SUCNR1: variants seen among roughly 807,000 people sequenced by gnomAD.
The protein encoded by SUCNR1 is succinate receptor 1.
A neutral mutation model predicts 2.4 loss-of-function variants in SUCNR1; 5 were observed. That is an observed-to-expected ratio of 2.07 (90% CI 1.08 to 4.36). The LOEUF is 4.36. Ranked by LOEUF, SUCNR1 falls within the 30% of genes most tolerant of loss-of-function variation. SUCNR1 has a pLI of 0.00. For missense variants in SUCNR1, 373 were observed against 399.2 expected, an observed-to-expected ratio of 0.93 and a Z score of 0.56; for synonymous variants, 162 against 143.9, an observed-to-expected ratio of 1.13 and a Z score of -0.90.
At chr3:151,877,944 G>A (rs1157254649) in intron 1 of SUCNR1, among the ~76,000 whole-genome samples, 1 of 152,102 alleles carries the variant, frequency 6.6e-6, no homozygotes, top group African/African-American at 2.4e-5. Context: ...GAAGACTTGA[G>A]CCCCAAAAGT....
chr3:151,876,201 A>G (rs1381978602), intron 1 of SUCNR1, among the ~76,000 whole-genome samples: 2 of 152,182 alleles, frequency 1.3e-5, no homozygotes, highest in Non-Finnish European at 2.9e-5. Context: ...AACATTTAAA[A>G]CTTGGGCAAA....
Position 151,873,658 on chromosome 3 carries a change from C to T in SUCNR1, c.-90C>T, listed in dbSNP as rs1265847845. ...ACAACACTGGGTCAGAAGCTATATCCAGCTGCTGGCAGAGTTCCTGTCAAG... is the reference window on the plus strand; with the variant it reads ...ACAACACTGGGTCAGAAGCTATATCTAGCTGCTGGCAGAGTTCCTGTCAAG... On this transcript the variant is annotated 5_prime_UTR_variant, in exon 1 of 3. Transcript: ENST00000362032. 2.6e-5 allele frequency: 4 copies of T among 152,510 alleles called. No homozygotes were observed. The highest frequency in any genetic ancestry group is 5.9e-5 in the Non-Finnish European group (4 of 68,030). The allele number at this position is 152,510 out of a possible 1,614,324, so 9.4% of individuals were successfully genotyped here.
intron 1 of SUCNR1, among the ~76,000 whole-genome samples, chr3:151,877,237 G>A (rs903894229): frequency 6.6e-6 from 1 of 152,090 alleles, no homozygotes; most frequent in Admixed American, 6.6e-5. Flanking sequence ...AAGCAAAATT[G>A]AAGTGGGTGC....
chr3:151,880,875 T>C lies in SUCNR1; in HGVS notation c.332T>C (p.Leu111Pro). ...CATGCCAACCTCTATACCAGCATTC[T>C]CTTTCTCACTTTTATCAGCATAGAT... ...VLHANLYTSI[L>P]FLTFISIDRY... The change falls in exon 3 of 3, where the codon CTC becomes CCC. Residue 111 changes from leucine (L) to proline (P), a missense_variant. Leu to Pro is a moderately conservative substitution (Grantham distance 98). Transcript: ENST00000362032. 6.2e-7 allele frequency: 1 copy of C among 1,614,138 alleles called. No homozygotes were observed. Among genetic ancestry groups the C allele is most frequent in the Non-Finnish European group, 8.5e-7 (1 of 1,180,016 alleles).
chr3:151,880,539 A>AT lies in SUCNR1; in HGVS notation c.16-16dup. ...TCACAGTCTAGTGTTTAATCCTTAT[A>AT]TTTTCTCTCTCTTCTTTAGGCATGG... On this transcript the variant is annotated intron_variant, in intron 2 of 2. Coordinates refer to ENST00000362032, the MANE Select transcript of SUCNR1 (RefSeq NM_033050.6). 6.4e-7 allele frequency: 1 copy of AT among 1,563,860 alleles called. No homozygotes were observed. The highest frequency in any genetic ancestry group is 1.4e-5 in the African/African-American group (1 of 72,866).
At chr3:151,878,354 C>G (rs1717983407) in intron 1 of SUCNR1, among the ~76,000 whole-genome samples, 1 of 152,024 alleles carries the variant, frequency 6.6e-6, no homozygotes, top group Admixed American at 6.6e-5. Context: ...GAGAAGAATG[C>G]TGAAGAGTCA....
Position 151,883,054 on chromosome 3 carries a change from T to G in SUCNR1, c.*1506T>G, listed in dbSNP as rs1173909140. 2.6e-5 allele frequency: 4 copies of G among 152,088 alleles called. No individual in the cohort carries two copies. The highest frequency in any genetic ancestry group is 7.2e-5 in the African/African-American group (3 of 41,436). 9.4% of individuals were successfully genotyped at this position (152,088 alleles called of 1,614,324 possible). A position where few individuals can be genotyped will look rare whatever the true frequency, so the allele number is the denominator to read the frequency against. ...TTTTAAATCCCCCAATTTTCCCAGT[T>G]GATATCTCTAGACTTCAAGCAACTG... On this transcript the variant is annotated 3_prime_UTR_variant, in exon 3 of 3. Transcript: ENST00000362032.
rs372497380 is a variant in SUCNR1 at position 151,878,441 on chromosome 3, G to A, written c.-41-1411G>A. On this transcript the variant is annotated intron_variant, in intron 1 of 2. Coordinates refer to ENST00000362032, the MANE Select transcript of SUCNR1 (RefSeq NM_033050.6). ...TGGATCTAGAGTAAGCTCAACAAAT[G>A]CTCTCTATCTCAATGAACTAGGAGG... 1.5e-4 allele frequency among the ~76,000 whole-genome samples: 23 copies of A among 152,210 alleles called. 1 individual carries two copies. The South Asian group carries it at 4.6e-3, about 30-fold the overall frequency.
intron 1 of SUCNR1, among the ~76,000 whole-genome samples, chr3:151,878,340 TGAG>T (rs747496809): frequency 1.9e-4 from 29 of 152,016 alleles, no homozygotes; most frequent in South Asian, 4.1e-4. Context: ...AGACTGACGA[TGAG>T]GAGAAGAATG....
Position 151,878,558 on chromosome 3 carries a change from C to G in SUCNR1, c.-41-1294C>G, listed in dbSNP as rs554799521. On this transcript the variant is annotated intron_variant, in intron 1 of 2. Coordinates refer to ENST00000362032, the MANE Select transcript of SUCNR1 (RefSeq NM_033050.6). ...TGAAATTGAGAAATATAGGAATATG[C>G]TGGCAATATGAGAGAGCGGTAGAAT... 8.5e-5 allele frequency among the ~76,000 whole-genome samples: 13 copies of G among 152,106 alleles called. No homozygotes were observed. The South Asian group carries it at 2.5e-3, about 29-fold the overall frequency.
At position 151,883,502 on chromosome 3, in the gene SUCNR1, A is replaced by ATG. The variant is rs1718165266; in HGVS notation, c.*1955_*1956insGT. 8.7e-6 allele frequency: 1 copy of ATG among 115,424 alleles called. No individual in the cohort carries two copies. 7.1% of individuals were successfully genotyped at this position (115,424 alleles called of 1,614,324 possible). A position where few individuals can be genotyped will look rare whatever the true frequency, so the allele number is the denominator to read the frequency against. Reference sequence around the variant, plus strand: ...TATATATATATATATATATATATATATATGTACCTTGTAAACAAGAGGTTA... The same window carrying ATG: ...TATATATATATATATATATATATATATGTATGTACCTTGTAAACAAGAGGTTA... On this transcript the variant is annotated 3_prime_UTR_variant, in exon 3 of 3. Transcript: ENST00000362032.
At chr3:151,875,530 C>T (rs1264170498) in intron 1 of SUCNR1, among the ~76,000 whole-genome samples, 2 of 151,714 alleles carry the variant, frequency 1.3e-5, no homozygotes, top group Non-Finnish European at 2.9e-5. Context: ...ACAAATGTAT[C>T]AAAAAATTAT....
intron 1 of SUCNR1, among the ~76,000 whole-genome samples, chr3:151,877,276 C>T (rs1717951607): frequency 6.6e-6 from 1 of 152,044 alleles, no homozygotes; most frequent in Admixed American, 6.6e-5. Context: ...ACCTTGATGT[C>T]CCCATTAAGG....
At chr3:151,876,371 A>T (rs2108064633) in intron 1 of SUCNR1, among the ~76,000 whole-genome samples, 1 of 152,224 alleles carries the variant, frequency 6.6e-6, no homozygotes, top group South Asian at 2.1e-4. Context: ...GAGCTAAAAA[A>T]AATAAAGTTT....
At chr3:151,878,800 C>A (rs9811297) in intron 1 of SUCNR1, among the ~76,000 whole-genome samples, 18,816 of 152,172 alleles carry the variant, frequency 0.12, 1,213 homozygotes, top group Middle Eastern at 0.16. Flanking sequence ...ATCTACAATT[C>A]TGTGACTTAT....
chr3:151,881,211 C>T lies in SUCNR1; in HGVS notation c.668C>T (p.Thr223Ile). ...FLKQRNRQVA[T>I]ALPLEKPLNL... ...AAGCAGAGGAATAGGCAGGTTGCTA[C>T]TGCTCTGCCCCTTGAAAAGCCTCTC... Residue 223 changes from threonine to isoleucine, a missense_variant, in exon 3 of 3, where the codon ACT (threonine) becomes ATT (isoleucine). Around this residue, in one of 3 missense-constraint regions of SUCNR1, gnomAD observed 157 missense variants for 178.7 expected, o/e 0.88. Coordinates refer to ENST00000362032, the MANE Select transcript of SUCNR1 (RefSeq NM_033050.6). 6.2e-7 allele frequency: 1 copy of T among 1,614,220 alleles called. No homozygotes were observed. The highest frequency in any genetic ancestry group is 1.3e-5 in the African/African-American group (1 of 75,054).
chr3:151,878,238 C>T (rs949399677), intron 1 of SUCNR1, among the ~76,000 whole-genome samples: 2 of 151,934 alleles, frequency 1.3e-5, no homozygotes, highest in Non-Finnish European at 2.9e-5. Flanking sequence ...AGGAGAGGAA[C>T]ACGTGAAACT....
intron 1 of SUCNR1, among the ~76,000 whole-genome samples, chr3:151,875,150 T>C (rs185689778): frequency 5.3e-5 from 8 of 152,274 alleles, no homozygotes; most frequent in Admixed American, 5.2e-4. Flanking sequence ...AAGATTTCAC[T>C]TTAATTTCTG....
Position 151,881,399 on chromosome 3 carries a change from C to T in SUCNR1, c.856C>T (p.Leu286=), listed in dbSNP as rs745744082. 6.2e-7 allele frequency: 1 copy of T among 1,614,190 alleles called. No individual in the cohort carries two copies. Among genetic ancestry groups the T allele is most frequent in the Non-Finnish European group, 8.5e-7 (1 of 1,180,020 alleles). ...FYIVTRPLAF[L]NSVINPVFYF... ...CATTGTGACACGGCCTTTGGCCTTTCTGAACAGTGTCATCAACCCTGTCTT... is the reference window on the plus strand; with the variant it reads ...CATTGTGACACGGCCTTTGGCCTTTTTGAACAGTGTCATCAACCCTGTCTT... The change falls in exon 3 of 3, where the codon CTG becomes TTG. Residue 286 remains leucine, a synonymous_variant. Coordinates refer to ENST00000362032, the MANE Select transcript of SUCNR1 (RefSeq NM_033050.6).
Sources: gnomAD v4.1 joint callset for allele counts (sites outside exome capture counted in the v4.1 genomes callset) on GRCh38, gnomAD v4.1.1 for gene constraint, gnomAD v4.1.1 regional missense constraint, MANE v1.5 for transcripts, NCBI Gene and HGNC (gene_info 2026-07-23, HGNC 2026-07-21) for gene names.